The following CELF4 variants were observed in gnomAD, a reference collection of about 807,000 sequenced individuals.
The protein encoded by CELF4 is CUGBP Elav-like family member 4, also known as CUG-BP- and ETR-3-like factor 4.
In CELF4, 18 loss-of-function variants were observed where a neutral mutation model predicts 59.9. That is an observed-to-expected ratio of 0.30 (90% confidence interval 0.21 to 0.45). The LOEUF is 0.45. Ranked by LOEUF, CELF4 falls within the 20% of genes least tolerant of loss-of-function variation. The pLI, the probability that CELF4 is intolerant of heterozygous loss-of-function variation, is 1.00. For missense variants in CELF4, 456 were observed against 689.0 expected (o/e 0.66, Z 3.79); for synonymous variants, 261 against 267.1 (o/e 0.98, Z 0.22).
chr18:37,435,070 CCT>C (rs2099686117), intron 2 of CELF4, among the ~76,000 whole-genome samples: 1 of 152,098 alleles, frequency 6.6e-6, no homozygotes, highest in East Asian at 1.9e-4. Context: ...TCTTCCAGCC[CCT>C]GTCTGGGCTT....
At chr18:37,452,559 C>T (rs2099767079) in intron 2 of CELF4, among the ~76,000 whole-genome samples, 1 of 152,084 alleles carries the variant, frequency 6.6e-6, no homozygotes, top group South Asian at 2.1e-4. Flanking sequence ...GTTTTGGAAG[C>T]AGAACTCTCT....
At chr18:37,415,345 G>T (rs889333077) in intron 2 of CELF4, among the ~76,000 whole-genome samples, 8 of 152,214 alleles carry the variant, frequency 5.3e-5, no homozygotes, top group African/African-American at 1.9e-4. Flanking sequence ...TAGTGGCCTA[G>T]AACACTTTCT....
At chr18:37,372,660 A>C (rs1186882907) in intron 2 of CELF4, among the ~76,000 whole-genome samples, 1 of 152,202 alleles carries the variant, frequency 6.6e-6, no homozygotes. Context: ...CACAATGAAA[A>C]AAATAACCAT....
At chr18:37,260,795 T>G (rs1001223735) in intron 10 of CELF4, among the ~76,000 whole-genome samples, 1 of 152,080 alleles carries the variant, frequency 6.6e-6, no homozygotes, top group African/African-American at 2.4e-5. Context: ...GCCACTGGCT[T>G]CCTCCCTCCT....
chr18:37,352,952 T>G (rs548487872), intron 2 of CELF4, among the ~76,000 whole-genome samples: 4 of 151,998 alleles, frequency 2.6e-5, no homozygotes, highest in African/African-American at 9.7e-5. Context: ...CCGGGCGCGG[T>G]AGCTCACGCC....
At chr18:37,485,809 C>T in intron 1 of CELF4, 1 of 380,202 alleles carries the variant, frequency 2.6e-6, no homozygotes, top group Non-Finnish European at 4.7e-6. Context: ...CCTCCCTTTG[C>T]TTTTCTATTT....
At chr18:37,427,041 G>GT (rs1454011102) in intron 2 of CELF4, among the ~76,000 whole-genome samples, 12 of 151,424 alleles carry the variant, frequency 7.9e-5, no homozygotes, top group East Asian at 2.0e-4. Context: ...GGGACACGGG[G>GT]GGGGGGGAAG....
intron 1 of CELF4, among the ~76,000 whole-genome samples, chr18:37,530,855 G>C (rs1263895228): frequency 6.6e-6 from 1 of 151,034 alleles, no homozygotes; most frequent in Non-Finnish European, 1.5e-5. Flanking sequence ...GAGAGAGAGA[G>C]AGAGAAAGAC....
At chr18:37,326,720 G>A (rs2097328844) in intron 2 of CELF4, among the ~76,000 whole-genome samples, 1 of 152,176 alleles carries the variant, frequency 6.6e-6, no homozygotes, top group Non-Finnish European at 1.5e-5. Flanking sequence ...CTCTTAGGGA[G>A]CGAGTGGGCC....
rs2154524482 is a variant in CELF4 at position 37,324,025 on chromosome 18, A to C, written c.370-2144T>G. 3.3e-5 allele frequency among the ~76,000 whole-genome samples: 5 copies of C among 152,250 alleles called. No homozygotes were observed. The South Asian group carries it at 1.0e-3, about 32-fold the overall frequency. On this transcript the variant is annotated intron_variant, in intron 2 of 12. Transcript: ENST00000420428. ...CCAGGTTCTTTGGGCCAGCAAATCAAGCATCTTTTCTGCCTGACCCCCACC... is the reference window on the plus strand; with the variant it reads ...CCAGGTTCTTTGGGCCAGCAAATCACGCATCTTTTCTGCCTGACCCCCACC...
At chr18:37,488,576 G>C (rs1193600008) in intron 1 of CELF4, among the ~76,000 whole-genome samples, 1 of 152,090 alleles carries the variant, frequency 6.6e-6, no homozygotes, top group East Asian at 1.9e-4. Context: ...TGATAAGTGG[G>C]TTCCTGATGG....
At chr18:37,560,325 T>C (rs2099986166) in intron 1 of CELF4, among the ~76,000 whole-genome samples, 1 of 152,240 alleles carries the variant, frequency 6.6e-6, no homozygotes, top group South Asian at 2.1e-4. Context: ...AATGAAATTA[T>C]GCATAAGCAG....
chr18:37,524,982 C>G (rs1308702510), intron 1 of CELF4, among the ~76,000 whole-genome samples: 1 of 152,216 alleles, frequency 6.6e-6, no homozygotes, highest in Non-Finnish European at 1.5e-5. Context: ...CGCCCTCGGC[C>G]CTCCCTTTCT....
chr18:37,283,862 C>T (rs1013622456), intron 3 of CELF4, among the ~76,000 whole-genome samples: 1 of 114,818 alleles, frequency 8.7e-6, no homozygotes, highest in Non-Finnish European at 1.9e-5. Context: ...GGGAACAGCA[C>T]GTGCAAAAGC....
chr18:37,565,737 ACTCGGGTTCTCTCCCC>A lies in CELF4; in HGVS notation c.-112_-97del. 1 of 989,496 alleles carries A rather than the reference ACTCGGGTTCTCTCCCC, an allele frequency of 1.0e-6. No individual in the cohort carries two copies. The highest frequency in any genetic ancestry group is 1.4e-6 in the Non-Finnish European group (1 of 717,858). 61.3% of individuals were successfully genotyped at this position (989,496 alleles called of 1,614,324 possible). A position where few individuals can be genotyped will look rare whatever the true frequency, so the allele number is the denominator to read the frequency against. ...CTCACACACGCACACGCATACACAC[ACTCGGGTTCTCTCCCC>A]CTCGGTTTCTCTACACCTCGCTCTC... On this transcript the variant is annotated 5_prime_UTR_variant, in exon 1 of 13. Coordinates refer to ENST00000420428, the MANE Select transcript of CELF4 (RefSeq NM_020180.4).
chr18:37,486,572 G>A (rs1424197586), intron 1 of CELF4, among the ~76,000 whole-genome samples: 3 of 152,226 alleles, frequency 2.0e-5, no homozygotes, highest in Non-Finnish European at 2.9e-5. Flanking sequence ...TTCTCTGCCT[G>A]CAGATGTGGC....
chr18:37,250,882 G>A, intron 12 of CELF4, among the ~76,000 whole-genome samples: 1 of 152,200 alleles, frequency 6.6e-6, no homozygotes, highest in East Asian at 1.9e-4. Context: ...TACTGTAGGA[G>A]TTATGTGACA....
chr18:37,360,987 G>A (rs1043272115), intron 2 of CELF4, among the ~76,000 whole-genome samples: 1 of 152,194 alleles, frequency 6.6e-6, no homozygotes, highest in Non-Finnish European at 1.5e-5. Context: ...CCTAGCACAG[G>A]TATGGCCCAC....
rs1344959209 is a variant in CELF4, at chr18:37,470,888, GACA to G, written c.369+14634_369+14636del. Among the ~76,000 whole-genome samples the G allele has an allele frequency of 2.3e-3, 215 of 95,306 alleles. 1 individual carries two copies. Among genetic ancestry groups the G allele is most frequent in the African/African-American group, 8.8e-3 (199 of 22,566 alleles). The allele number at this position is 95,306 out of a possible 152,430, so 62.5% of individuals were successfully genotyped here. ...TGTGTGTGTGTGTGTGTGTGTGTGT[GACA>G]GAGAGAGAGAGAGAGAGAGAGAGAG... On this transcript the variant is annotated intron_variant, in intron 2 of 12. Transcript: ENST00000420428.
Sources: gnomAD v4.1 joint callset for allele counts (sites outside exome capture counted in the v4.1 genomes callset) on GRCh38, gnomAD v4.1.1 for gene constraint, MANE v1.5 for transcripts, NCBI Gene and HGNC (gene_info 2026-07-23, HGNC 2026-07-21) for gene names.